MGST2: variants seen among roughly 807,000 people sequenced by gnomAD.
The protein encoded by MGST2 is glutathione peroxidase MGST2.
In MGST2, 9 loss-of-function variants were observed where a neutral mutation model predicts 16.6. The observed-to-expected ratio is 0.54, with a 90% CI of 0.33 to 0.95. The LOEUF is 0.95. Among genes scored for constraint, MGST2 ranks in the 40% least tolerant of loss-of-function variants. The pLI is 0.03. For synonymous variants in MGST2, 79 were observed against 68.0 expected (o/e 1.16, Z -0.79); for missense variants, 159 against 175.1 (o/e 0.91, Z 0.52).
chr4:139,703,636 G>GC, intron 4 of MGST2, 100 bp downstream of exon 4: 3 of 1,137,054 alleles, frequency 2.6e-6, no homozygotes, highest in Non-Finnish European at 4.0e-6. Flanking sequence ...ACTGTGAGTT[G>GC]TGGTGGCAAA....
At chr4:139,727,858 A>T (rs1194589867) in intron 5 of MGST2, among the ~76,000 whole-genome samples, 1 of 152,176 alleles carries the variant, frequency 6.6e-6, no homozygotes, top group Non-Finnish European at 1.5e-5. Flanking sequence ...AAGTGTGAGG[A>T]CACTTTCAAT....
intron 5 of MGST2, among the ~76,000 whole-genome samples, chr4:139,724,939 T>TA (rs1728404989): frequency 6.6e-6 from 1 of 152,146 alleles, no homozygotes; most frequent in Non-Finnish European, 1.5e-5. Flanking sequence ...TTTGCATTTT[T>TA]AGAGAGACAG....
chr4:139,690,139 G>A (rs571938313), intron 2 of MGST2, among the ~76,000 whole-genome samples: 36 of 152,070 alleles, frequency 2.4e-4, no homozygotes, highest in African/African-American at 8.0e-4. Context: ...CTACAGGCAC[G>A]CACCACCATG....
chr4:139,742,831 C>T (rs564229934), downstream of MGST2, among the ~76,000 whole-genome samples: 1 of 152,302 alleles, frequency 6.6e-6, no homozygotes, highest in East Asian at 1.9e-4. Context: ...AATAAATCCA[C>T]CTTTTTGACT....
chr4:139,707,254 A>G (rs1278293305), downstream of MGST2, among the ~76,000 whole-genome samples: 1 of 148,456 alleles, frequency 6.7e-6, no homozygotes, highest in Non-Finnish European at 1.5e-5. Context: ...TCCTGTGTCC[A>G]TGTGTTCTCA....
intron 2 of MGST2, among the ~76,000 whole-genome samples, chr4:139,681,929 A>G (rs1219721491): frequency 1.3e-5 from 2 of 152,152 alleles, no homozygotes; most frequent in African/African-American, 4.8e-5. Context: ...AGTAGCTCAC[A>G]CCTGTAATCC....
chr4:139,709,131 G>A (rs1484253276), downstream of MGST2, among the ~76,000 whole-genome samples: 2 of 121,354 alleles, frequency 1.6e-5, no homozygotes, highest in Admixed American at 1.1e-4. Flanking sequence ...CGCCCAGGCC[G>A]GAGTGCAGTG....
chr4:139,748,053 T>TAAAA, the MGST2 span, among the ~76,000 whole-genome samples: 21 of 95,520 alleles, frequency 2.2e-4, no homozygotes, highest in African/African-American at 7.7e-4. Context: ...AGACTTCGTC[T>TAAAA]AAAAAAAAAA....
rs749762871 is a variant in MGST2, at chr4:139,678,511, A to G, written c.59-32A>G. 17 of 1,541,402 alleles carry G rather than the reference A, an allele frequency of 1.1e-5. 1 individual carries two copies. Among genetic ancestry groups the G allele is most frequent in the African/African-American group, 1.4e-5 (1 of 73,346 alleles). On this transcript the variant is annotated intron_variant, in intron 1 of 4. Coordinates refer to ENST00000265498, the MANE Select transcript of MGST2 (RefSeq NM_002413.5). ...CCACTAATGACTAATGACGTGCCCC[A>G]TCTTTAACGCAACATTTCCCTTTAC...
chr4:139,726,108 A>G (rs1421935693), intron 5 of MGST2, among the ~76,000 whole-genome samples: 2 of 152,102 alleles, frequency 1.3e-5, no homozygotes, highest in African/African-American at 4.8e-5. Flanking sequence ...CTCTCCCTTG[A>G]CCCATGGGCA....
rs147300351 is a variant in MGST2, at chr4:139,723,605, C to T, written c.*49-16607C>T. Among the ~76,000 whole-genome samples the T allele has an allele frequency of 1.8e-3, 271 of 152,242 alleles. 1 individual carries two copies. Among genetic ancestry groups the T allele is most frequent in the African/African-American group, 6.3e-3 (260 of 41,528 alleles). ...GGGATTACAGGAGTGAGCAACTGCA[C>T]CTGCCTGGAATAGAAGTTTTTAACT... On this transcript the variant is annotated intron_variant, in intron 5 of 5. Coordinates refer to the MGST2 transcript ENST00000616265.
chr4:139,726,080 T>C (rs976296155), intron 5 of MGST2, among the ~76,000 whole-genome samples: 1 of 152,224 alleles, frequency 6.6e-6, no homozygotes, highest in Non-Finnish European at 1.5e-5. Context: ...GAGCCCCTCG[T>C]GCCCCTTCCA....
chr4:139,710,357 C>G (rs1280094351), intron 5 of MGST2, among the ~76,000 whole-genome samples: 2 of 152,148 alleles, frequency 1.3e-5, no homozygotes, highest in African/African-American at 4.8e-5. Flanking sequence ...ACTTACTGCA[C>G]TAGGATTTTA....
intron 5 of MGST2, among the ~76,000 whole-genome samples, chr4:139,709,268 A>G (rs1050521290): frequency 1.6e-4 from 24 of 151,818 alleles, no homozygotes; most frequent in African/African-American, 5.6e-4. Flanking sequence ...ATTTTTTAGT[A>G]GAGACTGGGT....
At chr4:139,683,189 G>C (rs560015411) in intron 2 of MGST2, among the ~76,000 whole-genome samples, 38 of 152,332 alleles carry the variant, frequency 2.5e-4, no homozygotes, top group Admixed American at 1.2e-3. Context: ...AGGGACCCTT[G>C]GCTGTCTCCT....
At chr4:139,750,958 T>A in the MGST2 span, among the ~76,000 whole-genome samples, 1 of 152,322 alleles carries the variant, frequency 6.6e-6, no homozygotes, top group East Asian at 1.9e-4. Flanking sequence ...TGGAGATGTC[T>A]ACTCCTATTT....
At chr4:139,706,860 A>C (rs953061801), downstream of MGST2, among the ~76,000 whole-genome samples, 1 of 152,206 alleles carries the variant, frequency 6.6e-6, no homozygotes, top group African/African-American at 2.4e-5. Flanking sequence ...TACAGAGAGC[A>C]ACCATTTCTG....
the MGST2 span, among the ~76,000 whole-genome samples, chr4:139,754,454 A>T: frequency 2.6e-5 from 4 of 152,174 alleles, no homozygotes; most frequent in African/African-American, 9.7e-5. Context: ...GCTGCATGTT[A>T]CTCCATTGTA....
At chr4:139,724,489 A>G (rs1728385931) in intron 5 of MGST2, among the ~76,000 whole-genome samples, 1 of 152,202 alleles carries the variant, frequency 6.6e-6, no homozygotes, top group African/African-American at 2.4e-5. Context: ...CACCCAGTCT[A>G]TTGATAAAGT....
Sources: allele counts gnomAD v4.1 joint callset (sites outside exome capture counted in the v4.1 genomes callset), GRCh38; gene constraint gnomAD v4.1.1; transcripts MANE v1.5; gene names NCBI Gene and HGNC (gene_info 2026-07-23, HGNC 2026-07-21).